GTF2F2: variants seen among roughly 807,000 people sequenced by gnomAD.
The protein encoded by GTF2F2 is general transcription factor IIF subunit 2, also known as ATP-dependent helicase GTF2F2.
In GTF2F2, 23 loss-of-function variants were observed where a neutral mutation model predicts 42.2. The ratio of observed to expected loss-of-function variants is 0.55; its 90% CI spans 0.39 to 0.77. GTF2F2 has a LOEUF of 0.77. Ranked by LOEUF, GTF2F2 falls within the 30% of genes least tolerant of loss-of-function variation. GTF2F2 has a pLI of 0.00. For missense variants in GTF2F2, 261 were observed against 287.2 expected, an observed-to-expected ratio of 0.91 and a Z score of 0.66; for synonymous variants, 105 against 100.8, an observed-to-expected ratio of 1.04 and a Z score of -0.25.
chr13:45,215,250 G>A (rs1873841361), intron 5 of GTF2F2, among the ~76,000 whole-genome samples: 1 of 152,172 alleles, frequency 6.6e-6, no homozygotes, highest in Non-Finnish European at 1.5e-5. Flanking sequence ...GTTCCAAGAA[G>A]TATAAGCTGA....
chr13:45,129,705 A>T (rs1869233933), intron 1 of GTF2F2, among the ~76,000 whole-genome samples: 1 of 152,244 alleles, frequency 6.6e-6, no homozygotes. Flanking sequence ...ACAGTAAACA[A>T]AATTACAATA....
intron 4 of GTF2F2, among the ~76,000 whole-genome samples, chr13:45,200,309 T>C (rs143222011): frequency 1.1e-3 from 175 of 152,260 alleles, no homozygotes; most frequent in African/African-American, 4.1e-3. Context: ...CAAATTATTT[T>C]ATAACTTTTA....
At chr13:45,244,827 T>G (rs1875505456) in intron 5 of GTF2F2, among the ~76,000 whole-genome samples, 2 of 152,172 alleles carry the variant, frequency 1.3e-5, no homozygotes, top group Admixed American at 1.3e-4. Flanking sequence ...TGAGCCACCA[T>G]GCCTGGCTAA....
intron 1 of GTF2F2, among the ~76,000 whole-genome samples, chr13:45,126,345 G>A (rs1188197235): frequency 3.4e-5 from 5 of 145,416 alleles, no homozygotes; most frequent in Admixed American, 2.2e-4. Context: ...TCCGCCTCCC[G>A]GCTTCAAGCG....
chr13:45,266,836 C>T (rs1876581296), intron 6 of GTF2F2, among the ~76,000 whole-genome samples: 1 of 152,132 alleles, frequency 6.6e-6, no homozygotes, highest in African/African-American at 2.4e-5. Context: ...ACGATCTAGT[C>T]GTTAATGGAT....
At chr13:45,243,834 T>G (rs1875448377) in intron 5 of GTF2F2, among the ~76,000 whole-genome samples, 1 of 152,196 alleles carries the variant, frequency 6.6e-6, no homozygotes, top group Non-Finnish European at 1.5e-5. Flanking sequence ...CTAATTTTTG[T>G]ATTTTTAGTA....
intron 7 of GTF2F2, among the ~76,000 whole-genome samples, chr13:45,274,721 CACTTG>C (rs1476355547): frequency 6.6e-6 from 1 of 152,052 alleles, no homozygotes; most frequent in African/African-American, 2.4e-5. Context: ...GCAGGCAGAT[CACTTG>C]AGTCAAGGAG....
chr13:45,230,157 A>G (rs1378014398), intron 5 of GTF2F2, among the ~76,000 whole-genome samples: 5 of 152,130 alleles, frequency 3.3e-5, no homozygotes, highest in Admixed American at 6.6e-5. Flanking sequence ...CGGAGGTTAC[A>G]GTGAGCCAAG....
chr13:45,144,545 C>T (rs1478924445), intron 2 of GTF2F2, among the ~76,000 whole-genome samples: 1 of 146,158 alleles, frequency 6.8e-6, no homozygotes, highest in Admixed American at 7.0e-5. Context: ...GGGTTCACGC[C>T]ATTCTCCTGC....
chr13:45,132,416 T>C lies in GTF2F2; in HGVS notation c.67-4317T>C, dbSNP rs149962842. On this transcript the variant is annotated intron_variant, in intron 1 of 7. Transcript: ENST00000340473. ...TCCAAGTTCCTAGCTGACTCTTGGC[T>C]AAAGCTTGTCATTAGTGTTTTTTTT... 1.1e-4 allele frequency among the ~76,000 whole-genome samples: 16 copies of C among 151,420 alleles called. No individual in the cohort carries two copies. In the South Asian group the frequency reaches 2.5e-3, roughly 24 times the overall value.
chr13:45,150,224 T>C (rs1870417221), intron 3 of GTF2F2, among the ~76,000 whole-genome samples: 1 of 152,220 alleles, frequency 6.6e-6, no homozygotes, highest in South Asian at 2.1e-4. Flanking sequence ...AGTAATTTTG[T>C]TTATAAGTCT....
intron 4 of GTF2F2, among the ~76,000 whole-genome samples, chr13:45,177,397 A>C (rs1304466804): frequency 6.6e-6 from 1 of 152,162 alleles, no homozygotes; most frequent in Admixed American, 6.5e-5. Flanking sequence ...TTAAATGGAA[A>C]ATTCCAGAAA....
intron 4 of GTF2F2, among the ~76,000 whole-genome samples, chr13:45,166,981 A>T (rs933766649): frequency 3.3e-5 from 5 of 152,106 alleles, no homozygotes; most frequent in Non-Finnish European, 5.9e-5. Context: ...CCTTATTCTT[A>T]TATGTTCCTA....
chr13:45,155,559 C>T (rs556951148), intron 4 of GTF2F2, among the ~76,000 whole-genome samples: 11 of 152,146 alleles, frequency 7.2e-5, no homozygotes, highest in African/African-American at 2.2e-4. Context: ...TTAGGGAGAG[C>T]GAATTAGAGG....
chr13:45,181,482 A>T (rs1303822403), intron 4 of GTF2F2, among the ~76,000 whole-genome samples: 2 of 152,154 alleles, frequency 1.3e-5, no homozygotes, highest in Admixed American at 1.3e-4. Flanking sequence ...AATTACTTGT[A>T]TATGAACATT....
At chr13:45,243,580 A>G (rs887584466) in intron 5 of GTF2F2, among the ~76,000 whole-genome samples, 1 of 152,202 alleles carries the variant, frequency 6.6e-6, no homozygotes, top group African/African-American at 2.4e-5. Context: ...ACTTTACAAT[A>G]CCTAACACAA....
intron 5 of GTF2F2, among the ~76,000 whole-genome samples, chr13:45,226,497 TATATC>T (rs1408179420): frequency 3.3e-5 from 5 of 152,236 alleles, no homozygotes; most frequent in African/African-American, 7.2e-5. Context: ...ATTCCAATCT[TATATC>T]AGAGACATAC....
intron 5 of GTF2F2, among the ~76,000 whole-genome samples, chr13:45,216,616 C>A (rs1873900338): frequency 6.6e-6 from 1 of 152,060 alleles, no homozygotes; most frequent in Non-Finnish European, 1.5e-5. Context: ...CCCCTGGGTT[C>A]AAGCAGTTCT....
intron 5 of GTF2F2, among the ~76,000 whole-genome samples, chr13:45,252,526 C>G (rs900299506): frequency 4.6e-5 from 7 of 152,000 alleles, no homozygotes; most frequent in Non-Finnish European, 8.8e-5. Flanking sequence ...GATTTTAGAC[C>G]ATGTAATTTA....
Sources: gnomAD v4.1 joint callset for allele counts (sites outside exome capture counted in the v4.1 genomes callset) on GRCh38, gnomAD v4.1.1 for gene constraint, MANE v1.5 for transcripts, NCBI Gene and HGNC (gene_info 2026-07-23, HGNC 2026-07-21) for gene names.